GALNS: variants seen among roughly 807,000 people sequenced by gnomAD.
GALNS encodes the protein galactosamine (N-acetyl)-6-sulfatase, also known as N-acetylgalactosamine-6-sulfatase.
In GALNS, 65 loss-of-function variants were observed where a neutral mutation model predicts 65.9. That is an observed-to-expected ratio of 0.99 (90% CI 0.81 to 1.21). GALNS has a LOEUF of 1.21. GALNS is among the 50% of genes most tolerant of loss of function. GALNS has a pLI of 0.00. For synonymous variants in GALNS, 346 were observed against 288.9 expected, an observed-to-expected ratio of 1.20 and a Z score of -2.00; for missense variants, 776 against 700.7, an observed-to-expected ratio of 1.11 and a Z score of -1.21.
At chr16:88,856,737 C>T in intron 1 of GALNS, 21 bp downstream of exon 1, 2 of 1,471,040 alleles carry the variant, frequency 1.4e-6, no homozygotes, top group Non-Finnish European at 1.8e-6. Context: ...GGCCCTGCCC[C>T]GTCCCACCGC....
At chr16:88,832,239 G>C (rs1394089518) in intron 8 of GALNS, 138 bp from the exon 9 acceptor site, 1 of 794,252 alleles carries the variant, frequency 1.3e-6, no homozygotes, top group East Asian at 2.7e-5. Flanking sequence ...TGCATGATCC[G>C]AGCCTCGGGG....
At position 88,840,875 on chromosome 16, in the gene GALNS, G is replaced by A. The variant is rs8054994; in HGVS notation, c.422+117C>T. The A allele has an allele frequency of 1.1e-5, 9 of 817,668 alleles. No homozygotes were observed. The African/African-American group carries it at 1.2e-4, about 11-fold the overall frequency. The allele number at this position is 817,668 out of a possible 1,614,324, so 50.7% of individuals were successfully genotyped here. On this transcript the variant is annotated intron_variant, in intron 4 of 13. Coordinates refer to ENST00000268695, the MANE Select transcript of GALNS (RefSeq NM_000512.5). Reference sequence around the variant, plus strand: ...CACCTGAACACACCCAGAATCAGCTGCCGTTTCCCACCCAAGACACCCTCC... The same window carrying A: ...CACCTGAACACACCCAGAATCAGCTACCGTTTCCCACCCAAGACACCCTCC...
chr16:88,851,861 C>T (rs190053057), intron 1 of GALNS, among the ~76,000 whole-genome samples: 109 of 152,360 alleles, frequency 7.2e-4, no homozygotes, highest in African/African-American at 2.4e-3. Context: ...CAGGGAAGCT[C>T]GAACCGGGCA....
intron 1 of GALNS, chr16:88,855,555 G>A: frequency 2.9e-6 from 2 of 700,282 alleles, no homozygotes; most frequent in Non-Finnish European, 5.2e-6. Flanking sequence ...AGATGGAAAA[G>A]CAGCTGCCCA....
In GALNS at chr16:88,856,746, G is replaced by A. The variant is rs1317089000; in HGVS notation, c.120+12C>T. ...CACCCCGGCCCTGCCCCGTCCCACCGCCCGCACTCACGTCGTCCATGAGCA... is the reference window on the plus strand; with the variant it reads ...CACCCCGGCCCTGCCCCGTCCCACCACCCGCACTCACGTCGTCCATGAGCA... On this transcript the variant is annotated intron_variant, in intron 1 of 13. Transcript: ENST00000268695. The A allele has an allele frequency of 1.5e-5, 14 of 924,250 alleles. No individual in the cohort carries two copies. Among genetic ancestry groups the A allele is most frequent in the South Asian group, 1.1e-4 (8 of 69,664 alleles). 57.3% of individuals were successfully genotyped at this position (924,250 alleles called of 1,614,324 possible). A position where few individuals can be genotyped will look rare whatever the true frequency, so the allele number is the denominator to read the frequency against.
At chr16:88,846,241 G>A (rs575210794) in intron 1 of GALNS, among the ~76,000 whole-genome samples, 3 of 152,286 alleles carry the variant, frequency 2.0e-5, no homozygotes, top group South Asian at 4.1e-4. Context: ...CAGGGTTGCC[G>A]CAGATATGAT....
chr16:88,856,059 C>T lies in GALNS; in HGVS notation c.120+699G>A, dbSNP rs1967842892. ...GGGGTCCTGCACGGTGACCCATGCCCCAGGCAGGCTCATTCCTGAGTCTCC... is the reference window on the plus strand; with the variant it reads ...GGGGTCCTGCACGGTGACCCATGCCTCAGGCAGGCTCATTCCTGAGTCTCC... On this transcript the variant is annotated intron_variant, in intron 1 of 13. Coordinates refer to ENST00000268695, the MANE Select transcript of GALNS (RefSeq NM_000512.5). 6.1e-6 allele frequency: 4 copies of T among 652,954 alleles called. No homozygotes were observed. In the Admixed American group the frequency reaches 6.6e-5, roughly 11 times the overall value. 40.4% of individuals were successfully genotyped at this position (652,954 alleles called of 1,614,324 possible). A position where few individuals can be genotyped will look rare whatever the true frequency, so the allele number is the denominator to read the frequency against.
intron 12 of GALNS, among the ~76,000 whole-genome samples, 153 bp from the exon 13 acceptor site, chr16:88,818,277 G>C (rs988915428): frequency 6.6e-6 from 1 of 152,156 alleles, no homozygotes; most frequent in Non-Finnish European, 1.5e-5. Context: ...CAGCGGCCCC[G>C]GGCCTCGCTA....
At chr16:88,817,566 T>C (rs1909759122) in intron 13 of GALNS, 15 of 973,236 alleles carry the variant, frequency 1.5e-5, no homozygotes, top group Non-Finnish European at 1.8e-5. Flanking sequence ...GCAGTGCCGT[T>C]CCTGCCTCGG....
rs778109591 is a variant in GALNS at position 88,837,664 on chromosome 16, C to T, written c.524G>A (p.Arg175Lys). 1.2e-6 allele frequency: 2 copies of T among 1,614,024 alleles called. No homozygotes were observed. Among genetic ancestry groups the T allele is most frequent in the Admixed American group, 1.7e-5 (1 of 60,028 alleles). Residue 175 changes from arginine to lysine, a missense_variant, in exon 5 of 14, where the codon AGG (arginine) becomes AAG (lysine). Arg to Lys is a conservative substitution (Grantham distance 26, BLOSUM62 2). Transcript: ENST00000268695. ...GTCCCTGTACACAGGGATGTTGGGC[C>T]TGGCCTTGTTGTCATAAGGTCCAAA... is the stretch of plus-strand genomic sequence containing the variant. Reference protein sequence around the residue: ...CHFGPYDNKARPNIPVYRDWE... With the variant: ...CHFGPYDNKAKPNIPVYRDWE...
intron 1 of GALNS, among the ~76,000 whole-genome samples, chr16:88,854,367 C>T (rs1967664656): frequency 6.6e-6 from 1 of 152,210 alleles, no homozygotes; most frequent in Non-Finnish European, 1.5e-5. Context: ...GCACCCTGGG[C>T]CACGTCAGGG....
intron 1 of GALNS, chr16:88,844,503 C>T (rs752481103): frequency 4.6e-5 from 7 of 152,286 alleles, no homozygotes; most frequent in Non-Finnish European, 1.0e-4. Flanking sequence ...CTCCGAGGCC[C>T]CTCTGTCTGG....
At chr16:88,854,560 G>T (rs948359236) in intron 1 of GALNS, among the ~76,000 whole-genome samples, 1 of 152,258 alleles carries the variant, frequency 6.6e-6, no homozygotes, top group Non-Finnish European at 1.5e-5. Flanking sequence ...GGCTGGACAG[G>T]TCAGCATGTG....
rs1195815540 is a variant in GALNS, at chr16:88,817,945, G to A, written c.1482+62C>T. On this transcript the variant is annotated intron_variant, in intron 13 of 13. Transcript: ENST00000268695. Reference sequence around the variant, plus strand: ...CCTGTGCTGGCCACGGTTCATCCTGGGCCCCGGGTGGGTGGCTGCAGCCCC... The same window carrying A: ...CCTGTGCTGGCCACGGTTCATCCTGAGCCCCGGGTGGGTGGCTGCAGCCCC... 11 of 1,355,346 alleles carry A rather than the reference G, an allele frequency of 8.1e-6. No homozygotes were observed. In the East Asian group the frequency reaches 1.2e-4, roughly 15 times the overall value. The allele number at this position is 1,355,346 out of a possible 1,614,324, so 84.0% of individuals were successfully genotyped here.
chr16:88,822,639 C>T lies in GALNS; in HGVS notation c.1314G>A (p.Leu438=), dbSNP rs1223135807. Residue 438 remains leucine (L), a synonymous_variant, in exon 12 of 14, where the codon CTG becomes CTA. Transcript: ENST00000268695. ...TTHNLEDHTK[L]PLIFHLGRDP... is the part of the protein sequence containing the mutation. ...CCCGTCCCAGGTGGAAGATCAGGGG[C>T]AGCTTCGTGTGGTCTTCCAGATTGT... 1 of 1,613,026 alleles carries T rather than the reference C, an allele frequency of 6.2e-7. No individual in the cohort carries two copies. Among genetic ancestry groups the T allele is most frequent in the Admixed American group, 1.7e-5 (1 of 59,986 alleles).
At chr16:88,826,904 C>A in intron 9 of GALNS, 66 bp from the exon 10 acceptor site, 1 of 1,541,550 alleles carries the variant, frequency 6.5e-7, no homozygotes, top group East Asian at 2.4e-5. Context: ...GGGGGCCAAT[C>A]CCTGGGGGGG....
intron 13 of GALNS, chr16:88,817,238 G>A: frequency 1.0e-6 from 1 of 961,576 alleles, no homozygotes; most frequent in Non-Finnish European, 1.2e-6. Flanking sequence ...GCGGCCCCCA[G>A]GGCTGGACAA....
intron 13 of GALNS, chr16:88,816,623 T>C (rs1909655575): frequency 3.1e-6 from 3 of 983,164 alleles, no homozygotes; most frequent in Non-Finnish European, 3.6e-6. Context: ...CTGCCCTCCA[T>C]GGTCCTCACT....
At chr16:88,849,374 T>C (rs1967403769) in intron 1 of GALNS, among the ~76,000 whole-genome samples, 1 of 152,166 alleles carries the variant, frequency 6.6e-6, no homozygotes, top group Non-Finnish European at 1.5e-5. Context: ...AACCTCCGGC[T>C]CTTGGGTTCA....
Sources: gnomAD v4.1 joint callset for allele counts (sites outside exome capture counted in the v4.1 genomes callset) on GRCh38, gnomAD v4.1.1 for gene constraint, MANE v1.5 for transcripts, NCBI Gene and HGNC (gene_info 2026-07-23, HGNC 2026-07-21) for gene names.